AMMECR1: variants seen among roughly 807,000 people sequenced by gnomAD.
The protein encoded by AMMECR1 is AMMECR nuclear protein 1.
In AMMECR1, 3 loss-of-function variants were observed where a neutral mutation model predicts 22.5. The observed-to-expected ratio is 0.13, with a 90% CI of 0.06 to 0.35. The LOEUF (loss-of-function observed/expected upper bound fraction) is 0.35. Among genes scored for constraint, AMMECR1 ranks in the 10% least tolerant of loss-of-function variants. The probability of loss-of-function intolerance (pLI) is 1.00; values close to 1 mark genes in which losing one functional copy is unlikely to be tolerated. For missense variants in AMMECR1, 235 were observed against 278.7 expected, an observed-to-expected ratio of 0.84 and a Z score of 1.12; for synonymous variants, 130 against 116.7, an observed-to-expected ratio of 1.11 and a Z score of -0.74.
chrX:110,411,812 T>C (rs1362864934), intron 2 of AMMECR1, among the ~76,000 whole-genome samples: 1 of 112,705 alleles, frequency 8.9e-6, no homozygotes, highest in East Asian at 2.8e-4. Context: ...TACTTGTTTT[T>C]CTATTATTTC....
chrX:110,328,909 A>G (rs1338867891), intron 2 of AMMECR1, among the ~76,000 whole-genome samples: 2 of 112,397 alleles, frequency 1.8e-5, no homozygotes, highest in Non-Finnish European at 3.8e-5. Flanking sequence ...GCTATTGTGA[A>G]TAGTGCTGCA....
intron 1 of AMMECR1, among the ~76,000 whole-genome samples, chrX:110,302,265 T>C (rs947036677): frequency 9.0e-6 from 1 of 111,398 alleles, no homozygotes; most frequent in Non-Finnish European, 1.9e-5. Flanking sequence ...TTTTTAGATT[T>C]GTACTGCCCT....
chrX:110,387,858 T>TCTC (rs370206659), intron 2 of AMMECR1, among the ~76,000 whole-genome samples: 1 of 73,225 alleles, frequency 1.4e-5, no homozygotes, highest in African/African-American at 7.4e-5. Context: ...TCCCTCTCTC[T>TCTC]TTTTTTTTTT....
chrX:110,349,734 C>A (rs1013371239), intron 2 of AMMECR1, among the ~76,000 whole-genome samples: 2 of 111,802 alleles, frequency 1.8e-5, no homozygotes, highest in African/African-American at 6.5e-5. Flanking sequence ...TTCCTCACAA[C>A]AATTCTGAGT....
chrX:110,315,492 A>G (rs1006642500), intron 1 of AMMECR1, among the ~76,000 whole-genome samples: 2 of 112,448 alleles, frequency 1.8e-5, no homozygotes, highest in African/African-American at 6.5e-5. Flanking sequence ...TCCATGAAAA[A>G]GAAATCCAGG....
chrX:110,338,852 A>T (rs1441062864), intron 2 of AMMECR1, among the ~76,000 whole-genome samples: 4 of 111,896 alleles, frequency 3.6e-5, no homozygotes, highest in Non-Finnish European at 7.5e-5. Context: ...AATTAGATTC[A>T]TCAATTCCTC....
chrX:110,315,403 G>A (rs900309360), intron 1 of AMMECR1, among the ~76,000 whole-genome samples: 27 of 112,123 alleles, frequency 2.4e-4, no homozygotes, highest in Non-Finnish European at 4.5e-4. Context: ...AGGTCTGCTA[G>A]ATGATAATAG....
At chrX:110,336,783 T>G (rs759879312) in intron 2 of AMMECR1, among the ~76,000 whole-genome samples, 1 of 111,132 alleles carries the variant, frequency 9.0e-6, no homozygotes, top group South Asian at 3.8e-4. Flanking sequence ...CCATGCCAAG[T>G]CACTTTCCAG....
intron 2 of AMMECR1, among the ~76,000 whole-genome samples, chrX:110,258,761 G>A (rs1265666530): frequency 9.0e-6 from 1 of 111,602 alleles, no homozygotes; most frequent in East Asian, 2.8e-4. Context: ...ACAGTCAGAG[G>A]TGATTCATAC....
At chrX:110,318,422 A>C (rs1026167085), upstream of AMMECR1, among the ~76,000 whole-genome samples, 2 of 110,936 alleles carry the variant, frequency 1.8e-5, no homozygotes, top group Non-Finnish European at 1.9e-5. Flanking sequence ...AGAGTCAGAC[A>C]GCGGAAAGTG....
intron 1 of AMMECR1, among the ~76,000 whole-genome samples, chrX:110,277,896 G>A (rs1335631840): frequency 8.9e-6 from 1 of 111,817 alleles, no homozygotes; most frequent in Non-Finnish European, 1.9e-5. Flanking sequence ...CTCTCTCCAT[G>A]AGTTTAAAAA....
At chrX:110,375,426 A>C (rs1204220437) in intron 2 of AMMECR1, among the ~76,000 whole-genome samples, 2 of 111,780 alleles carry the variant, frequency 1.8e-5, no homozygotes, top group Non-Finnish European at 3.8e-5. Flanking sequence ...AACAACCTAG[A>C]ATACAAACTC....
chrX:110,408,414 C>G (rs971741269), intron 2 of AMMECR1, among the ~76,000 whole-genome samples: 2 of 112,502 alleles, frequency 1.8e-5, no homozygotes, highest in African/African-American at 6.5e-5. Context: ...CCAACGCCCA[C>G]GACAGACTTG....
At chrX:110,238,019 T>C (rs1217324121) in intron 2 of AMMECR1, among the ~76,000 whole-genome samples, 2 of 111,653 alleles carry the variant, frequency 1.8e-5, no homozygotes, top group Non-Finnish European at 3.8e-5. Context: ...ATAAATTATT[T>C]CCAGGATTCT....
upstream of AMMECR1, chrX:110,318,181 G>T: frequency 1.4e-6 from 1 of 691,240 alleles, no homozygotes; most frequent in Non-Finnish European, 1.8e-6. Context: ...AGAGGCTGGC[G>T]GGGCGCGCGC....
At chrX:110,395,802 T>G (rs997924491) in intron 2 of AMMECR1, among the ~76,000 whole-genome samples, 1 of 110,642 alleles carries the variant, frequency 9.0e-6, no homozygotes, top group East Asian at 2.9e-4. Context: ...GCACTGGTAA[T>G]GCAGCCCACA....
At chrX:110,338,858 T>C (rs1037315013) in intron 2 of AMMECR1, among the ~76,000 whole-genome samples, 6 of 111,781 alleles carry the variant, frequency 5.4e-5, no homozygotes, top group Non-Finnish European at 1.1e-4. Context: ...ATTCATCAAT[T>C]CCTCCATAGC....
chrX:110,393,653 T>C (rs1055894985), intron 2 of AMMECR1, among the ~76,000 whole-genome samples: 2 of 112,247 alleles, frequency 1.8e-5, no homozygotes, highest in African/African-American at 6.5e-5. Context: ...TACCCTGGCC[T>C]GAGAACTGCT....
At chrX:110,343,991 T>A (rs2068176735) in intron 2 of AMMECR1, among the ~76,000 whole-genome samples, 1 of 111,761 alleles carries the variant, frequency 8.9e-6, no homozygotes, top group African/African-American at 3.3e-5. Flanking sequence ...TGGAAAAAAC[T>A]ACTTTAAAGT....
Sources: allele counts gnomAD v4.1 joint callset (sites outside exome capture counted in the v4.1 genomes callset), GRCh38; gene constraint gnomAD v4.1.1; transcripts MANE v1.5; gene names NCBI Gene and HGNC (gene_info 2026-07-23, HGNC 2026-07-21).